The following PTPRN2 variants were observed in gnomAD, a reference collection of about 807,000 sequenced individuals.
PTPRN2 encodes protein tyrosine phosphatase receptor type N2.
In PTPRN2, 74 loss-of-function variants were observed where a neutral mutation model predicts 118.8. The observed-to-expected ratio is 0.62, with a 90% CI of 0.52 to 0.76. PTPRN2 has a LOEUF of 0.76. Among genes scored for constraint, PTPRN2 ranks in the 30% least tolerant of loss-of-function variants. The pLI is 0.00. For missense variants in PTPRN2, 1,481 were observed against 1,394.4 expected (o/e 1.06, Z -0.99); for synonymous variants, 641 against 608.0 (o/e 1.05, Z -0.80).
chr7:158,454,246 G>A lies in PTPRN2; in HGVS notation c.163+35489C>T, dbSNP rs371349211. ...CTACAGAGGACAGACAAGACACAAC[G>A]CACACAATCACTGATGTGAGGATTG... On this transcript the variant is annotated intron_variant, in intron 2 of 22. Coordinates refer to ENST00000389418, the MANE Select transcript of PTPRN2 (RefSeq NM_002847.5). Among the ~76,000 whole-genome samples the A allele has an allele frequency of 6.4e-3, 790 of 123,672 alleles. 1 individual carries two copies. The highest frequency in any genetic ancestry group is 0.028 in the South Asian group (97 of 3,448). 81.1% of individuals were successfully genotyped at this position (123,672 alleles called of 152,430 possible).
chr7:158,008,668 G>A (rs1277556280), intron 11 of PTPRN2, among the ~76,000 whole-genome samples: 2 of 152,224 alleles, frequency 1.3e-5, no homozygotes, highest in African/African-American at 2.4e-5. Context: ...GTCTCCATGG[G>A]GCCTTAAACC....
chr7:158,071,550 CTGG>C (rs1254994721), intron 11 of PTPRN2, among the ~76,000 whole-genome samples: 6 of 33,116 alleles, frequency 1.8e-4, no homozygotes, highest in Admixed American at 3.4e-4. Flanking sequence ...GGAGGTGCTC[CTGG>C]TGGTGGAGGT....
chr7:157,730,755 C>G (rs1267551009), intron 12 of PTPRN2, among the ~76,000 whole-genome samples: 3 of 152,204 alleles, frequency 2.0e-5, no homozygotes, highest in Admixed American at 1.3e-4. Context: ...CCCAACACTT[C>G]CCCGCTACAG....
At chr7:157,940,089 A>G (rs10227000) in intron 11 of PTPRN2, among the ~76,000 whole-genome samples, 58,510 of 151,550 alleles carry the variant, frequency 0.39, 13,513 homozygotes, top group East Asian at 0.63. Flanking sequence ...TATGACCATG[A>G]GCCCCTGTCA....
intron 2 of PTPRN2, among the ~76,000 whole-genome samples, chr7:158,437,355 C>G (rs1318385197): frequency 2.0e-5 from 3 of 152,118 alleles, no homozygotes; most frequent in Admixed American, 6.5e-5. Flanking sequence ...ACATATCAAC[C>G]ACAGTTATTT....
chr7:157,854,351 C>T (rs570667791), intron 12 of PTPRN2, among the ~76,000 whole-genome samples: 5 of 152,338 alleles, frequency 3.3e-5, no homozygotes, highest in East Asian at 1.9e-4. Context: ...TGTCTGCCCA[C>T]GTCTCTCCAG....
chr7:157,599,874 CA>C (rs1801562196), intron 16 of PTPRN2, among the ~76,000 whole-genome samples: 1 of 140,796 alleles, frequency 7.1e-6, no homozygotes, highest in African/African-American at 2.6e-5. Context: ...TCCACCTGCC[CA>C]CCTCTCCACC....
At chr7:158,552,717 G>T (rs1025676006) in intron 1 of PTPRN2, among the ~76,000 whole-genome samples, 1 of 152,188 alleles carries the variant, frequency 6.6e-6, no homozygotes, top group Non-Finnish European at 1.5e-5. Context: ...AAAGTTCTGG[G>T]ATTACAGGTG....
rs918382746 is a variant in PTPRN2 at position 158,139,695 on chromosome 7, G to A, written c.911-1180C>T. ...CTGGAAAGCAGCGGGGGCGGGGCGG[G>A]GGGAAGACACGCTCCACACATGAGA... On this transcript the variant is annotated intron_variant, in intron 6 of 22. Transcript: ENST00000389418. 1.2e-4 allele frequency among the ~76,000 whole-genome samples: 18 copies of A among 152,252 alleles called. No individual in the cohort carries two copies. The East Asian group carries it at 3.3e-3, about 28-fold the overall frequency.
At chr7:157,908,561 G>C (rs1024497007) in intron 11 of PTPRN2, among the ~76,000 whole-genome samples, 1 of 152,214 alleles carries the variant, frequency 6.6e-6, no homozygotes, top group African/African-American at 2.4e-5. Context: ...GACAAATGTG[G>C]AGGCGCCCCG....
chr7:158,325,123 C>T (rs1803385755), intron 2 of PTPRN2, among the ~76,000 whole-genome samples: 3 of 150,658 alleles, frequency 2.0e-5, no homozygotes, highest in Admixed American at 6.6e-5. Context: ...CACAGGGGGT[C>T]CTCCAGTCCC....
At chr7:157,851,461 G>A (rs1164038372) in intron 12 of PTPRN2, among the ~76,000 whole-genome samples, 1 of 152,158 alleles carries the variant, frequency 6.6e-6, no homozygotes. Flanking sequence ...CCTGGTGCAT[G>A]GAACAGCGAC....
chr7:158,230,339 C>T (rs1373341019), intron 3 of PTPRN2, among the ~76,000 whole-genome samples: 2 of 152,116 alleles, frequency 1.3e-5, no homozygotes, highest in Admixed American at 1.3e-4. Flanking sequence ...TAAAAGTAAG[C>T]ACTCAAACTA....
chr7:158,098,660 A>G (rs1250008143), intron 10 of PTPRN2, among the ~76,000 whole-genome samples: 1 of 152,022 alleles, frequency 6.6e-6, no homozygotes, highest in Non-Finnish European at 1.5e-5. Flanking sequence ...CAGTCCCACC[A>G]TTTTGCTGAG....
intron 3 of PTPRN2, among the ~76,000 whole-genome samples, chr7:158,263,748 C>CA (rs1278162173): frequency 2.6e-5 from 4 of 152,220 alleles, no homozygotes; most frequent in African/African-American, 9.6e-5. Flanking sequence ...GGGACCCCTC[C>CA]AAAGCACCCG....
chr7:158,050,718 C>T (rs1256199504), intron 11 of PTPRN2, among the ~76,000 whole-genome samples: 2 of 152,198 alleles, frequency 1.3e-5, no homozygotes, highest in Non-Finnish European at 2.9e-5. Context: ...AGGCCAGGTT[C>T]CCACACCATT....
At chr7:158,385,097 C>T (rs1811235897) in intron 2 of PTPRN2, among the ~76,000 whole-genome samples, 1 of 151,838 alleles carries the variant, frequency 6.6e-6, no homozygotes, top group Admixed American at 6.6e-5. Flanking sequence ...TCCACACTCC[C>T]ACCAATGCCC....
chr7:158,328,363 T>A (rs56205111), intron 2 of PTPRN2, among the ~76,000 whole-genome samples: 1 of 152,002 alleles, frequency 6.6e-6, no homozygotes, highest in Admixed American at 6.5e-5. Flanking sequence ...TAGTTCGTAA[T>A]GAAACCTGAA....
chr7:158,240,716 CTG>C (rs1172987014), intron 3 of PTPRN2, among the ~76,000 whole-genome samples: 2 of 152,218 alleles, frequency 1.3e-5, no homozygotes, highest in African/African-American at 4.8e-5. Context: ...GGTGTGGCCA[CTG>C]TGCCTGGGCA....
Sources: gnomAD v4.1 joint callset for allele counts (sites outside exome capture counted in the v4.1 genomes callset) on GRCh38, gnomAD v4.1.1 for gene constraint, MANE v1.5 for transcripts, NCBI Gene and HGNC (gene_info 2026-07-23, HGNC 2026-07-21) for gene names.